Variants in SRGAP2 observed in about 807,000 individuals in gnomAD.
The protein encoded by SRGAP2 is SLIT-ROBO Rho GTPase-activating protein 2.
A neutral mutation model predicts 57.2 loss-of-function variants in SRGAP2; 15 were observed. The observed-to-expected ratio is 0.26, with a 90% CI of 0.18 to 0.40. The LOEUF is 0.40. SRGAP2 is among the 10% of genes least tolerant of loss of function. SRGAP2 has a pLI of 1.00. For missense variants in SRGAP2, 520 were observed against 669.6 expected (o/e 0.78, Z 2.47); for synonymous variants, 249 against 248.0 (o/e 1.00, Z -0.04).
At chr1:206,287,054 T>G (rs1671068977) in intron 2 of SRGAP2, among the ~76,000 whole-genome samples, 1 of 151,802 alleles carries the variant, frequency 6.6e-6, no homozygotes, top group Admixed American at 6.6e-5. Context: ...GTTCAAAAGG[T>G]GGAAGGGATA....
intron 13 of SRGAP2, among the ~76,000 whole-genome samples, chr1:206,422,291 G>A (rs971168609): frequency 1.3e-5 from 2 of 152,164 alleles, no homozygotes; most frequent in East Asian, 1.9e-4. Context: ...TACAGGCCTC[G>A]CTTGTCTCAG....
intron 10 of SRGAP2, among the ~76,000 whole-genome samples, 166 bp from the exon 11 acceptor site, chr1:206,415,723 G>A (rs141533903): frequency 9.7e-4 from 147 of 152,308 alleles, no homozygotes; most frequent in African/African-American, 3.4e-3. Flanking sequence ...AAAATCAACA[G>A]CTGCCCATAT....
chr1:206,415,831 G>A, intron 10 of SRGAP2, 58 bp from the exon 11 acceptor site: 1 of 735,030 alleles, frequency 1.4e-6, no homozygotes, highest in Admixed American at 1.9e-5. Context: ...GAGCATCTGT[G>A]ATTTTTTTCT....
intron 4 of SRGAP2, among the ~76,000 whole-genome samples, chr1:206,358,202 C>A (rs1307350728): frequency 1.3e-5 from 2 of 151,492 alleles, no homozygotes; most frequent in Non-Finnish European, 2.9e-5. Flanking sequence ...CTTTCCTCAT[C>A]TTTACACTAA....
In SRGAP2 at chr1:206,464,372, A is replaced by G. The variant is rs1173726327; in HGVS notation, c.*2952A>G. ...TGTGTGAACCTAAGACTGTCACTCAACAGATGTTGGATTGGGGAAAATCCA... is the reference window on the plus strand; with the variant it reads ...TGTGTGAACCTAAGACTGTCACTCAGCAGATGTTGGATTGGGGAAAATCCA... On this transcript the variant is annotated 3_prime_UTR_variant, in exon 23 of 23. Coordinates refer to ENST00000573034, the MANE Select transcript of SRGAP2 (RefSeq NM_015326.5). 1.3e-5 allele frequency: 2 copies of G among 152,800 alleles called. No homozygotes were observed. Among genetic ancestry groups the G allele is most frequent in the East Asian group, 3.9e-4 (2 of 5,188 alleles). 9.5% of individuals were successfully genotyped at this position (152,800 alleles called of 1,614,324 possible).
chr1:206,222,567 ATG>A (rs1319119161), intron 2 of SRGAP2, among the ~76,000 whole-genome samples: 1 of 141,948 alleles, frequency 7.0e-6, no homozygotes, highest in Non-Finnish European at 1.5e-5. Context: ...AGGCATGGTG[ATG>A]TGTACCTATA....
At chr1:206,323,370 G>A (rs1443817584) in intron 3 of SRGAP2, among the ~76,000 whole-genome samples, 12 of 151,930 alleles carry the variant, frequency 7.9e-5, no homozygotes, top group African/African-American at 2.9e-4. Context: ...CAGGGCTTTA[G>A]CAGAAGTCAG....
At chr1:206,358,979 T>C (rs1471515060) in intron 4 of SRGAP2, among the ~76,000 whole-genome samples, 6 of 152,016 alleles carry the variant, frequency 3.9e-5, no homozygotes, top group African/African-American at 1.4e-4. Context: ...CTATAGGATC[T>C]TGGAAAAAAA....
At chr1:206,319,925 C>T (rs1187127862) in intron 3 of SRGAP2, among the ~76,000 whole-genome samples, 1 of 150,608 alleles carries the variant, frequency 6.6e-6, no homozygotes, top group Non-Finnish European at 1.5e-5. Context: ...TCTCGTGCCT[C>T]AGCCTCCCAA....
intron 2 of SRGAP2, among the ~76,000 whole-genome samples, chr1:206,240,689 G>T (rs1571649742): frequency 6.6e-6 from 1 of 152,162 alleles, no homozygotes; most frequent in East Asian, 1.9e-4. Flanking sequence ...TAGTGAGGTG[G>T]ATATTATTGT....
rs1660346736 is a variant in SRGAP2 at position 206,421,893 on chromosome 1, A to G, written c.1494+619A>G. On this transcript the variant is annotated intron_variant, in intron 13 of 22. Coordinates refer to ENST00000573034, the MANE Select transcript of SRGAP2 (RefSeq NM_015326.5). ...CTCTTAGAGAGCAGTGGCATGGATA[A>G]TCCACATCAATGGATAATCTAAACA... Among the ~76,000 whole-genome samples, 6 of 152,240 alleles carry G rather than the reference A, an allele frequency of 3.9e-5. No individual in the cohort carries two copies. The South Asian group carries it at 1.2e-3, about 31-fold the overall frequency.
At chr1:206,236,948 T>C (rs2102535096) in intron 2 of SRGAP2, among the ~76,000 whole-genome samples, 1 of 136,112 alleles carries the variant, frequency 7.3e-6, no homozygotes, top group South Asian at 2.5e-4. Flanking sequence ...GGTCTCTAAC[T>C]CCTGGGCTCA....
intron 4 of SRGAP2, among the ~76,000 whole-genome samples, chr1:206,374,019 C>CTTTTTTT (rs56021600): frequency 9.1e-5 from 7 of 77,008 alleles, no homozygotes; most frequent in East Asian, 4.5e-4. Context: ...GATACACATT[C>CTTTTTTT]TTTTTTTTTT....
In SRGAP2 at chr1:206,449,647, A is replaced by G. The variant is rs1282253610; in HGVS notation, c.2100-739A>G. 2.0e-5 allele frequency among the ~76,000 whole-genome samples: 3 copies of G among 151,362 alleles called. No homozygotes were observed. In the East Asian group the frequency reaches 5.8e-4, roughly 29 times the overall value. On this transcript the variant is annotated intron_variant, in intron 18 of 22. Transcript: ENST00000573034. ...CCCAGCTTCTCTCCCCTGCCCTCCAACCCGTAATTGGATCCTGCCCTGTAG... is the reference window on the plus strand; with the variant it reads ...CCCAGCTTCTCTCCCCTGCCCTCCAGCCCGTAATTGGATCCTGCCCTGTAG...
At chr1:206,243,567 C>T (rs1209114843) in intron 2 of SRGAP2, among the ~76,000 whole-genome samples, 1 of 152,160 alleles carries the variant, frequency 6.6e-6, no homozygotes, top group Non-Finnish European at 1.5e-5. Flanking sequence ...TTGCTAGTGT[C>T]CTTCAGACCT....
chr1:206,347,335 T>C (rs1229318213), intron 4 of SRGAP2, among the ~76,000 whole-genome samples: 1 of 151,428 alleles, frequency 6.6e-6, no homozygotes, highest in Non-Finnish European at 1.5e-5. Flanking sequence ...CGCAGCGCTT[T>C]GGGAGGCCAA....
At chr1:206,335,949 C>T (rs1674743148) in intron 3 of SRGAP2, among the ~76,000 whole-genome samples, 1 of 152,194 alleles carries the variant, frequency 6.6e-6, no homozygotes, top group Non-Finnish European at 1.5e-5. Context: ...ATTCCTAGTT[C>T]TCTGACCTAA....
rs1311780983 is a variant in SRGAP2 at position 206,461,845 on chromosome 1, T to G, written c.*425T>G. ...TGGGAACTGATTATAGAGAATCATATATAGTCCAGTCTTCATTTTACATAC... is the reference window on the plus strand; with the variant it reads ...TGGGAACTGATTATAGAGAATCATAGATAGTCCAGTCTTCATTTTACATAC... On this transcript the variant is annotated 3_prime_UTR_variant, in exon 23 of 23. Transcript: ENST00000573034. 5.9e-6 allele frequency: 1 copy of G among 170,780 alleles called. No homozygotes were observed. Among genetic ancestry groups the G allele is most frequent in the Non-Finnish European group, 1.3e-5 (1 of 78,872 alleles). 10.6% of individuals were successfully genotyped at this position (170,780 alleles called of 1,614,324 possible).
chr1:206,427,432 G>A (rs1660895217), intron 13 of SRGAP2, among the ~76,000 whole-genome samples: 1 of 152,208 alleles, frequency 6.6e-6, no homozygotes, highest in African/African-American at 2.4e-5. Context: ...GGGTCATGAA[G>A]ATGAGCATTT....
Sources: gnomAD v4.1 joint callset for allele counts (sites outside exome capture counted in the v4.1 genomes callset) on GRCh38, gnomAD v4.1.1 for gene constraint, MANE v1.5 for transcripts, NCBI Gene and HGNC (gene_info 2026-07-23, HGNC 2026-07-21) for gene names.